TAX1BP1: variants seen among roughly 807,000 people sequenced by gnomAD.
The protein encoded by TAX1BP1 is tax1-binding protein 1.
In TAX1BP1, 62 loss-of-function variants were observed where a neutral mutation model predicts 97.7. The observed-to-expected ratio is 0.63, with a 90% confidence interval of 0.52 to 0.78. The LOEUF is 0.78. Among genes scored for constraint, TAX1BP1 ranks in the 30% least tolerant of loss-of-function variants. TAX1BP1 has a pLI of 0.00. For missense variants in TAX1BP1, 867 were observed against 916.1 expected (o/e 0.95, Z 0.69); for synonymous variants, 340 against 304.2 (o/e 1.12, Z -1.23).
At chr7:27,747,047 C>T (rs78831593) in intron 1 of TAX1BP1, among the ~76,000 whole-genome samples, 6,439 of 152,244 alleles carry the variant, frequency 0.042, 196 homozygotes, top group South Asian at 0.069. Context: ...AGCCTTACTG[C>T]TGTGCTTGCT....
At chr7:27,791,911 A>G in intron 8 of TAX1BP1, 95 bp from the exon 9 acceptor site, 2 of 1,103,226 alleles carry the variant, frequency 1.8e-6, no homozygotes, top group South Asian at 1.5e-5. Flanking sequence ...AATATCTAAA[A>G]TTTTGGCCCT....
intron 2 of TAX1BP1, among the ~76,000 whole-genome samples, chr7:27,754,580 G>A (rs946901411): frequency 1.2e-4 from 18 of 151,262 alleles, no homozygotes; most frequent in African/African-American, 4.4e-4. Context: ...TTTTGTTTTC[G>A]TTTTTGTTTT....
At chr7:27,798,951 C>T (rs541555257) in intron 12 of TAX1BP1, among the ~76,000 whole-genome samples, 3 of 149,594 alleles carry the variant, frequency 2.0e-5, no homozygotes, top group Non-Finnish European at 3.0e-5. Context: ...AATATTTTCT[C>T]CAAGTCTGTA....
chr7:27,779,238 C>G (rs1789152315), intron 5 of TAX1BP1, among the ~76,000 whole-genome samples: 1 of 152,178 alleles, frequency 6.6e-6, no homozygotes, highest in South Asian at 2.1e-4. Context: ...CATCCTCTCA[C>G]CCCAGCCTCT....
At chr7:27,751,271 A>G (rs747214032) in intron 2 of TAX1BP1, among the ~76,000 whole-genome samples, 2 of 152,204 alleles carry the variant, frequency 1.3e-5, no homozygotes, top group Non-Finnish European at 2.9e-5. Context: ...AAGTTCAGGC[A>G]TGTAGTAAAG....
intron 5 of TAX1BP1, among the ~76,000 whole-genome samples, chr7:27,784,838 C>T (rs1789413645): frequency 6.6e-6 from 1 of 151,772 alleles, no homozygotes; most frequent in Non-Finnish European, 1.5e-5. Context: ...AAAAAATTAG[C>T]CAGGCGTGGT....
At chr7:27,795,363 C>T (rs997077465) in intron 11 of TAX1BP1, among the ~76,000 whole-genome samples, 4 of 151,976 alleles carry the variant, frequency 2.6e-5, no homozygotes, top group African/African-American at 7.3e-5. Flanking sequence ...CTCCTAGCTA[C>T]TCTGGAAGCT....
chr7:27,797,220 A>G lies in TAX1BP1; in HGVS notation c.1638+1001A>G, dbSNP rs112269903. Among the ~76,000 whole-genome samples, 406 of 151,996 alleles carry G rather than the reference A, an allele frequency of 2.7e-3. 5 individuals carry two copies. Among genetic ancestry groups the G allele is most frequent in the African/African-American group, 9.5e-3 (394 of 41,464 alleles). ...CACGATGTTAGCTAGGATGGTCTCT[A>G]TCTCCTGACCTCGTGATCCACTCGC... is the stretch of plus-strand genomic sequence containing the variant. On this transcript the variant is annotated intron_variant, in intron 12 of 16. Coordinates refer to ENST00000396319, the MANE Select transcript of TAX1BP1 (RefSeq NM_006024.7).
In TAX1BP1 at chr7:27,827,730, TC is replaced by T; in HGVS notation, c.2086-4del. On this transcript the variant is annotated splice_polypyrimidine_tract_variant and splice_region_variant and intron_variant, in intron 15 of 16. Coordinates refer to ENST00000396319, the MANE Select transcript of TAX1BP1 (RefSeq NM_006024.7). ...TTCTTAAAAGTTCCAAAATTATTTTTCCCCTAGGAAGATGAGAATGTGCCTA... is the reference window on the plus strand; with the variant it reads ...TTCTTAAAAGTTCCAAAATTATTTTTCCCTAGGAAGATGAGAATGTGCCTA... 6.2e-7 allele frequency: 1 copy of T among 1,609,300 alleles called. No individual in the cohort carries two copies. Among genetic ancestry groups the T allele is most frequent in the South Asian group, 1.1e-5 (1 of 89,958 alleles).
chr7:27,762,379 C>G (rs1293674517), intron 3 of TAX1BP1, among the ~76,000 whole-genome samples: 4 of 151,628 alleles, frequency 2.6e-5, no homozygotes, highest in Non-Finnish European at 5.9e-5. Flanking sequence ...GATTGGTTTC[C>G]CCTTAAAAAA....
intron 5 of TAX1BP1, 34 bp downstream of exon 5, chr7:27,769,868 A>T (rs1037347176): frequency 6.2e-7 from 1 of 1,603,108 alleles, no homozygotes; most frequent in Non-Finnish European, 8.5e-7. Context: ...ATTGAAGTTG[A>T]TAGTATATTG....
chr7:27,764,918 C>T (rs1283222112), intron 3 of TAX1BP1, among the ~76,000 whole-genome samples: 1 of 147,712 alleles, frequency 6.8e-6, no homozygotes, highest in Non-Finnish European at 1.5e-5. Context: ...ATGCTCCACC[C>T]CTCTCTTAAT....
At chr7:27,822,369 A>G (rs1282648017) in intron 15 of TAX1BP1, among the ~76,000 whole-genome samples, 1 of 152,182 alleles carries the variant, frequency 6.6e-6, no homozygotes, top group Admixed American at 6.5e-5. Flanking sequence ...TCCACTAGCA[A>G]CTGCTGTAGT....
At chr7:27,816,313 G>T in intron 13 of TAX1BP1, 36 bp from the exon 14 acceptor site, 1 of 1,460,156 alleles carries the variant, frequency 6.8e-7, no homozygotes, top group Non-Finnish European at 9.2e-7. Context: ...ATATTTTATT[G>T]CTTTGCTTAT....
chr7:27,750,943 C>T (rs1040638637), intron 2 of TAX1BP1, among the ~76,000 whole-genome samples: 1 of 152,094 alleles, frequency 6.6e-6, no homozygotes, highest in African/African-American at 2.4e-5. Flanking sequence ...TTTAACTGCT[C>T]TATATAAGCT....
chr7:27,803,340 TC>T (rs1326257440), intron 13 of TAX1BP1, among the ~76,000 whole-genome samples: 1 of 152,238 alleles, frequency 6.6e-6, no homozygotes, highest in Non-Finnish European at 1.5e-5. Context: ...TATCTGGTTT[TC>T]TTTTGTAATA....
intron 13 of TAX1BP1, among the ~76,000 whole-genome samples, chr7:27,812,134 T>A (rs190208325): frequency 6.8e-4 from 104 of 152,364 alleles, no homozygotes; most frequent in Non-Finnish European, 1.2e-3. Flanking sequence ...GCATTCCAAC[T>A]GCTCCATATC....
intron 13 of TAX1BP1, among the ~76,000 whole-genome samples, chr7:27,814,829 A>T (rs1000588897): frequency 6.6e-6 from 1 of 151,822 alleles, no homozygotes; most frequent in Non-Finnish European, 1.5e-5. Context: ...TCCATCTCCC[A>T]GGTTCAAGCA....
At chr7:27,825,143 TGTATAGTAAGG>T (rs1328809260) in intron 15 of TAX1BP1, among the ~76,000 whole-genome samples, 15 of 41,072 alleles carry the variant, frequency 3.7e-4, no homozygotes, top group Non-Finnish European at 7.4e-4. Flanking sequence ...TCTTTTAAGA[TGTATAGTAAGG>T]CTGTGTGATC....
Sources: gnomAD v4.1 joint callset for allele counts (sites outside exome capture counted in the v4.1 genomes callset) on GRCh38, gnomAD v4.1.1 for gene constraint, MANE v1.5 for transcripts, NCBI Gene and HGNC (gene_info 2026-07-23, HGNC 2026-07-21) for gene names.